Variants in STK4 observed in about 807,000 individuals in gnomAD.
STK4 encodes the protein serine/threonine kinase 4.
Under a neutral mutation model 64.9 loss-of-function variants are expected in STK4, and 30 were observed. That is an observed-to-expected ratio of 0.46 (90% CI 0.35 to 0.63). The LOEUF is 0.63. Ranked by LOEUF, STK4 falls within the 20% of genes least tolerant of loss-of-function variation. The pLI is 0.01. For synonymous variants in STK4, 177 were observed against 199.0 expected (o/e 0.89, Z 0.93); for missense variants, 466 against 598.5 (o/e 0.78, Z 2.31).
At chr20:45,072,330 C>T (rs1386482300) in intron 10 of STK4, among the ~76,000 whole-genome samples, 2 of 152,178 alleles carry the variant, frequency 1.3e-5, no homozygotes, top group African/African-American at 4.8e-5. Flanking sequence ...CAGTGCAGCT[C>T]CACTAACTTA....
At chr20:45,072,594 G>C (rs1036891183) in intron 10 of STK4, among the ~76,000 whole-genome samples, 2 of 152,118 alleles carry the variant, frequency 1.3e-5, no homozygotes, top group African/African-American at 4.8e-5. Flanking sequence ...TATGTGCCTC[G>C]AATAGCACCT....
At chr20:45,051,587 A>G (rs2068777663) in intron 10 of STK4, among the ~76,000 whole-genome samples, 2 of 152,150 alleles carry the variant, frequency 1.3e-5, no homozygotes, top group Non-Finnish European at 2.9e-5. Flanking sequence ...TTGTGCTGGT[A>G]TGTTTTCAAC....
chr20:44,975,200 T>TTCTC (rs1298084551), intron 2 of STK4: 1 of 215,340 alleles, frequency 4.6e-6, no homozygotes, highest in Non-Finnish European at 7.9e-6. Context: ...TACTTCTCCA[T>TTCTC]TCTCTGCTGT....
intron 9 of STK4, among the ~76,000 whole-genome samples, chr20:45,017,233 C>G (rs370653025): frequency 9.2e-4 from 140 of 152,294 alleles, no homozygotes; most frequent in African/African-American, 3.3e-3. Context: ...TTATCATTAT[C>G]TAATACTTAT....
intron 9 of STK4, among the ~76,000 whole-genome samples, chr20:45,024,366 T>A (rs115847307): frequency 0.025 from 3,774 of 152,096 alleles, 138 homozygotes; most frequent in African/African-American, 0.081. Context: ...TATATAATAC[T>A]GTATCCTATT....
At chr20:45,017,129 C>G (rs1041066878) in intron 9 of STK4, among the ~76,000 whole-genome samples, 1 of 152,102 alleles carries the variant, frequency 6.6e-6, no homozygotes, top group African/African-American at 2.4e-5. Flanking sequence ...TAAATAGTCA[C>G]TATGTGTCAT....
At chr20:45,053,227 G>GCTA in intron 10 of STK4, 4 of 1,498,456 alleles carry the variant, frequency 2.7e-6, no homozygotes, top group Non-Finnish European at 3.7e-6. Context: ...GCCTGGTTCT[G>GCTA]CTGGTGGATC....
At chr20:44,970,405 G>A (rs1314902248) in intron 1 of STK4, 1 of 151,992 alleles carries the variant, frequency 6.6e-6, no homozygotes, top group Non-Finnish European at 1.5e-5. Context: ...AAACATACTT[G>A]ATCTTCCTTT....
At chr20:44,970,236 TAAAAA>T (rs969042690) in intron 1 of STK4, among the ~76,000 whole-genome samples, 4 of 138,588 alleles carry the variant, frequency 2.9e-5, no homozygotes, top group African/African-American at 1.0e-4. Flanking sequence ...TAATAATAAT[TAAAAA>T]AAAAGAAAAA....
At chr20:45,026,820 C>T (rs2068356621) in intron 10 of STK4, among the ~76,000 whole-genome samples, 1 of 152,174 alleles carries the variant, frequency 6.6e-6, no homozygotes, top group Non-Finnish European at 1.5e-5. Context: ...TTCTCCTCTT[C>T]TAGGCCTTTG....
chr20:45,053,953 A>G (rs910327630), intron 10 of STK4, among the ~76,000 whole-genome samples: 6 of 151,170 alleles, frequency 4.0e-5, no homozygotes, highest in Non-Finnish European at 8.8e-5. Context: ...ACCTCTATCC[A>G]TGAAATTTTG....
intron 10 of STK4, among the ~76,000 whole-genome samples, chr20:45,070,701 C>T (rs1979980849): frequency 6.6e-6 from 1 of 152,246 alleles, no homozygotes; most frequent in Non-Finnish European, 1.5e-5. Flanking sequence ...GCCTGGCCAA[C>T]ATGGCGAAAC....
At chr20:45,072,048 C>G (rs1234199070) in intron 10 of STK4, among the ~76,000 whole-genome samples, 1 of 152,190 alleles carries the variant, frequency 6.6e-6, no homozygotes, top group Non-Finnish European at 1.5e-5. Context: ...CAGGCATGAG[C>G]TACCATGCCC....
At chr20:45,061,332 C>T (rs537579020) in intron 10 of STK4, among the ~76,000 whole-genome samples, 86 of 152,220 alleles carry the variant, frequency 5.6e-4, no homozygotes, top group Middle Eastern at 3.4e-3. Context: ...GCTTCAGTTA[C>T]CCACAACCAC....
At chr20:45,042,710 T>C (rs569652693) in intron 10 of STK4, among the ~76,000 whole-genome samples, 137 of 152,256 alleles carry the variant, frequency 9.0e-4, no homozygotes, top group African/African-American at 3.0e-3. Flanking sequence ...TAATGGACAG[T>C]GTAGGGAGGA....
chr20:45,073,018 A>C (rs1980208836), intron 10 of STK4, among the ~76,000 whole-genome samples: 1 of 152,190 alleles, frequency 6.6e-6, no homozygotes, highest in Non-Finnish European at 1.5e-5. Flanking sequence ...AAAGGAGGAA[A>C]CCGAGGCTCA....
chr20:44,995,284 G>A lies in STK4; in HGVS notation c.693+27G>A, dbSNP rs373332748. 1.2e-5 allele frequency: 19 copies of A among 1,592,100 alleles called. No individual in the cohort carries two copies. In the African/African-American group the frequency reaches 2.4e-4, roughly 20 times the overall value. On this transcript the variant is annotated intron_variant, in intron 6 of 10. Transcript: ENST00000372806. ...TAAGAAAGTGGACAGAAAGCCAGTG[G>A]GGTGGTTAGTTACTGATCATCATTA...
chr20:45,074,320 A>G (rs1032708907), intron 10 of STK4, among the ~76,000 whole-genome samples: 3 of 152,224 alleles, frequency 2.0e-5, no homozygotes, highest in South Asian at 2.1e-4. Flanking sequence ...ATTAATTTAT[A>G]TATCAACTCA....
Position 45,000,946 on chromosome 20 carries a change from A to G in STK4, c.961-221A>G, listed in dbSNP as rs113461238. On this transcript the variant is annotated intron_variant, in intron 8 of 10. Transcript: ENST00000372806. ...GTCACAAAACTCTATTAAGAAGAGT[A>G]GAGGAAGAATTCCTTTAGGGTTAGA... Among the ~76,000 whole-genome samples the G allele has an allele frequency of 8.7e-3, 1,318 of 152,328 alleles. 17 individuals are homozygous for G. Among genetic ancestry groups the G allele is most frequent in the African/African-American group, 0.03 (1,261 of 41,576 alleles).
Sources: gnomAD v4.1 joint callset for allele counts (sites outside exome capture counted in the v4.1 genomes callset) on GRCh38, gnomAD v4.1.1 for gene constraint, MANE v1.5 for transcripts, NCBI Gene and HGNC (gene_info 2026-07-23, HGNC 2026-07-21) for gene names.